OSBPL9: variants seen among roughly 807,000 people sequenced by gnomAD.
OSBPL9 encodes oxysterol-binding protein-related protein 9.
OSBPL9 carries 40 observed loss-of-function variants against 106.6 expected under a neutral mutation model. The ratio of observed to expected loss-of-function variants is 0.38; its 90% CI spans 0.29 to 0.49. OSBPL9 has a LOEUF of 0.49. Among genes scored for constraint, OSBPL9 ranks in the 20% least tolerant of loss-of-function variants. The pLI, the probability that OSBPL9 is intolerant of heterozygous loss-of-function variation, is 0.97. For missense variants in OSBPL9, 609 were observed against 887.2 expected (o/e 0.69, Z 3.98); for synonymous variants, 269 against 295.4 (o/e 0.91, Z 0.92).
intron 3 of OSBPL9, among the ~76,000 whole-genome samples, chr1:51,683,796 A>G (rs1218994396): frequency 6.6e-6 from 1 of 151,972 alleles, no homozygotes; most frequent in African/African-American, 2.4e-5. Flanking sequence ...CTGTCTCAAA[A>G]AAAAAAGGAA....
At position 51,789,127 on chromosome 1, in the gene OSBPL9, G is replaced by A; in HGVS notation, c.*1338G>A. The A allele has an allele frequency of 9.8e-7, 1 of 1,023,470 alleles. No homozygotes were observed. Among genetic ancestry groups the A allele is most frequent in the Non-Finnish European group, 1.5e-6 (1 of 662,652 alleles). 63.4% of individuals were successfully genotyped at this position (1,023,470 alleles called of 1,614,324 possible). The stretch of plus-strand genomic sequence containing the variant: ...GTAAATCAAATGCTATGATGCCAGT[G>A]CAAAACTTCAATGGAAGCCCTAAGG... On this transcript the variant is annotated 3_prime_UTR_variant, in exon 24 of 24. Transcript: ENST00000428468.
the OSBPL9 span, among the ~76,000 whole-genome samples, chr1:51,520,098 T>G: frequency 3.3e-5 from 5 of 152,354 alleles, no homozygotes; most frequent in East Asian, 9.6e-4. Flanking sequence ...ACACTCTCCT[T>G]TATAACCTTT....
intron 1 of OSBPL9, among the ~76,000 whole-genome samples, chr1:51,590,772 C>G (rs1228798356): frequency 6.6e-6 from 1 of 151,572 alleles, no homozygotes; most frequent in Non-Finnish European, 1.5e-5. Context: ...TTTTCCGAGA[C>G]AGGGTCTCTC....
chr1:51,721,537 T>C (rs11584970), intron 4 of OSBPL9, among the ~76,000 whole-genome samples: 3,604 of 152,298 alleles, frequency 0.024, 59 homozygotes, highest in Non-Finnish European at 0.035. Context: ...AATGAATCTT[T>C]AGTATTGGGA....
At chr1:51,655,175 C>G (rs890264946) in intron 2 of OSBPL9, among the ~76,000 whole-genome samples, 1 of 152,152 alleles carries the variant, frequency 6.6e-6, no homozygotes, top group African/African-American at 2.4e-5. Context: ...TGCTTAAGGT[C>G]TCGTATGACT....
At chr1:51,704,882 T>G (rs1344842068) in intron 3 of OSBPL9, among the ~76,000 whole-genome samples, 1 of 152,174 alleles carries the variant, frequency 6.6e-6, no homozygotes, top group East Asian at 1.9e-4. Context: ...AATATTATGG[T>G]TCTGAGAGGC....
intron 2 of OSBPL9, among the ~76,000 whole-genome samples, chr1:51,604,710 A>G (rs1570540246): frequency 2.0e-5 from 3 of 151,922 alleles, no homozygotes; most frequent in South Asian, 2.1e-4. Context: ...CAGGAGTACA[A>G]TGGTGCGATC....
At chr1:51,612,297 T>C (rs1350747153), upstream of OSBPL9, among the ~76,000 whole-genome samples, 1 of 152,234 alleles carries the variant, frequency 6.6e-6, no homozygotes, top group African/African-American at 2.4e-5. Context: ...GCTGCCAGAA[T>C]GGTCTTTCAA....
intron 3 of OSBPL9, among the ~76,000 whole-genome samples, chr1:51,713,642 A>T (rs1262446911): frequency 6.6e-6 from 1 of 152,050 alleles, no homozygotes; most frequent in East Asian, 1.9e-4. Context: ...TATCTTCTAA[A>T]TTTTTTGTCT....
intron 15 of OSBPL9, among the ~76,000 whole-genome samples, chr1:51,777,767 G>C (rs2149128405): frequency 6.6e-6 from 1 of 152,156 alleles, no homozygotes; most frequent in African/African-American, 2.4e-5. Flanking sequence ...TAACGTGTAA[G>C]CAAAAATGGA....
chr1:51,719,205 AAC>A (rs1661607383), intron 4 of OSBPL9, among the ~76,000 whole-genome samples: 1 of 152,234 alleles, frequency 6.6e-6, no homozygotes, highest in Non-Finnish European at 1.5e-5. Context: ...GACAGAAGAT[AAC>A]TAAGATCTTC....
At chr1:51,600,696 G>A (rs1645322014) in intron 2 of OSBPL9, among the ~76,000 whole-genome samples, 1 of 152,024 alleles carries the variant, frequency 6.6e-6, no homozygotes, top group South Asian at 2.1e-4. Context: ...TAAAATTTTG[G>A]TCTTGAAGGG....
chr1:51,615,661 C>G (rs963006416), upstream of OSBPL9, among the ~76,000 whole-genome samples: 6 of 152,084 alleles, frequency 3.9e-5, no homozygotes, highest in African/African-American at 1.4e-4. Context: ...TTGACCACAC[C>G]TCCGTTTCCA....
chr1:51,588,319 T>A (rs1039659391), intron 1 of OSBPL9, among the ~76,000 whole-genome samples: 14 of 152,144 alleles, frequency 9.2e-5, no homozygotes, highest in Non-Finnish European at 1.8e-4. Flanking sequence ...GAGGCTGAAG[T>A]TGCAGTGAGC....
intron 3 of OSBPL9, among the ~76,000 whole-genome samples, chr1:51,679,573 C>G (rs1003570436): frequency 6.6e-6 from 1 of 152,186 alleles, no homozygotes. Flanking sequence ...GTGGTCTGAA[C>G]ATATTCAATA....
intron 13 of OSBPL9, among the ~76,000 whole-genome samples, chr1:51,772,386 G>A (rs534981476): frequency 2.0e-5 from 3 of 152,108 alleles, no homozygotes; most frequent in Non-Finnish European, 2.9e-5. Flanking sequence ...ATGGTGGTGC[G>A]TGCCTGTAAT....
At chr1:51,712,232 G>A (rs1469745905) in intron 3 of OSBPL9, among the ~76,000 whole-genome samples, 6 of 152,246 alleles carry the variant, frequency 3.9e-5, no homozygotes, top group South Asian at 2.1e-4. Flanking sequence ...CCAACACAGC[G>A]AAACCCCGTC....
Position 51,748,255 on chromosome 1 carries a change from C to A in OSBPL9, c.463-114C>A, listed in dbSNP as rs971527408. The A allele has an allele frequency of 3.9e-6, 5 of 1,269,150 alleles. No individual in the cohort carries two copies. In the African/African-American group the frequency reaches 6.3e-5, roughly 16 times the overall value. 78.6% of individuals were successfully genotyped at this position (1,269,150 alleles called of 1,614,324 possible). A position where few individuals can be genotyped will look rare whatever the true frequency, so the allele number is the denominator to read the frequency against. On this transcript the variant is annotated intron_variant, in intron 6 of 23. Coordinates refer to ENST00000428468, the MANE Select transcript of OSBPL9 (RefSeq NM_024586.6). ...GTACTCCCTTCCCAACTTGCTTGTA[C>A]TCACTTAGAATGAGTACATTTTGGT...
chr1:51,753,488 T>C (rs1188355719), intron 8 of OSBPL9, among the ~76,000 whole-genome samples: 1 of 152,188 alleles, frequency 6.6e-6, no homozygotes, highest in African/African-American at 2.4e-5. Flanking sequence ...TGGTAAAAGT[T>C]GGAGAACTTC....
Sources: allele counts gnomAD v4.1 joint callset (sites outside exome capture counted in the v4.1 genomes callset), GRCh38; gene constraint gnomAD v4.1.1; transcripts MANE v1.5; gene names NCBI Gene and HGNC (gene_info 2026-07-23, HGNC 2026-07-21).